CRLF2: variants seen among roughly 807,000 people sequenced by gnomAD.
CRLF2 encodes the protein cytokine receptor-like factor 2.
In CRLF2, 41 loss-of-function variants were observed where a neutral mutation model predicts 38.7. That is an observed-to-expected ratio of 1.06 (90% CI 0.83 to 1.37). The LOEUF (loss-of-function observed/expected upper bound fraction) is 1.37. Ranked by LOEUF, CRLF2 falls within the 40% of genes most tolerant of loss-of-function variation. The pLI is 0.00. For missense variants in CRLF2, 377 were observed against 322.2 expected (o/e 1.17, Z -1.30); for synonymous variants, 140 against 128.8 (o/e 1.09, Z -0.59).
intron 1 of CRLF2, among the ~76,000 whole-genome samples, chrX:1,210,126 GAA>G (rs1191614902): frequency 1.5e-5 from 1 of 67,894 alleles, no homozygotes; most frequent in Admixed American, 1.8e-4. Context: ...GAAAAGAAAA[GAA>G]AAGAAAAGAA....
At chrX:1,194,675 T>A (rs1359053666) in intron 6 of CRLF2, among the ~76,000 whole-genome samples, 16 of 151,688 alleles carry the variant, frequency 1.1e-4, no homozygotes, top group African/African-American at 3.9e-4. Context: ...TCTAAAAAGG[T>A]GATGATAGTA....
In CRLF2 at chrX:1,212,434, A is replaced by G. The variant is rs1363335343; in HGVS notation, c.79+122T>C. 341 of 625,268 alleles carry G rather than the reference A, an allele frequency of 5.5e-4. 1 individual carries two copies. Among genetic ancestry groups the G allele is most frequent in the African/African-American group, 3.4e-3 (179 of 52,214 alleles). 38.7% of individuals were successfully genotyped at this position (625,268 alleles called of 1,614,324 possible). A position where few individuals can be genotyped will look rare whatever the true frequency, so the allele number is the denominator to read the frequency against. ...TTGAACCCGGAAAAAAAAAAAAAAAAAAAAGAAAAGAAGAAAGAAACCTCC... is the reference window on the plus strand; with the variant it reads ...TTGAACCCGGAAAAAAAAAAAAAAAGAAAAGAAAAGAAGAAAGAAACCTCC... On this transcript the variant is annotated intron_variant, in intron 1 of 7. Coordinates refer to ENST00000400841, the MANE Select transcript of CRLF2 (RefSeq NM_022148.4).
At chrX:1,212,038 G>T (rs1181381013) in intron 1 of CRLF2, among the ~76,000 whole-genome samples, 1 of 151,184 alleles carries the variant, frequency 6.6e-6, no homozygotes, top group African/African-American at 2.4e-5. Context: ...GAAAGGTTGG[G>T]TGGACGGATG....
chrX:1,212,436 A>G, intron 1 of CRLF2, 120 bp downstream of exon 1: 5 of 575,176 alleles, frequency 8.7e-6, no homozygotes, highest in East Asian at 3.2e-5. Flanking sequence ...AAAAAAAAAA[A>G]AAGAAAAGAA....
intron 5 of CRLF2, among the ~76,000 whole-genome samples, chrX:1,197,155 C>A (rs1179256164): frequency 7.0e-6 from 1 of 143,390 alleles, no homozygotes; most frequent in East Asian, 2.1e-4. Flanking sequence ...TGCAGTGGCT[C>A]CATCTCAGCT....
At chrX:1,202,298 G>A (rs2086621380) in intron 4 of CRLF2, 104 bp downstream of exon 4, 1 of 1,344,148 alleles carries the variant, frequency 7.4e-7, no homozygotes, top group Non-Finnish European at 1.0e-6. Context: ...ATTCAGGAAG[G>A]TGTAGACAGA....
chrX:1,194,410 C>A (rs1230137286), intron 6 of CRLF2, among the ~76,000 whole-genome samples: 1 of 151,926 alleles, frequency 6.6e-6, no homozygotes, highest in Non-Finnish European at 1.5e-5. Flanking sequence ...TGCAGTGAGC[C>A]CAGATCACAC....
At chrX:1,207,920 C>T (rs2086721834) in intron 2 of CRLF2, among the ~76,000 whole-genome samples, 1 of 152,122 alleles carries the variant, frequency 6.6e-6, no homozygotes, top group African/African-American at 2.4e-5. Flanking sequence ...AACGGTGAGT[C>T]TTATTTTCCA....
intron 4 of CRLF2, among the ~76,000 whole-genome samples, chrX:1,202,053 G>C (rs1200381640): frequency 6.6e-6 from 1 of 152,032 alleles, no homozygotes; most frequent in Non-Finnish European, 1.5e-5. Context: ...GAATGAGATA[G>C]ATAGATGATA....
intron 4 of CRLF2, among the ~76,000 whole-genome samples, chrX:1,201,273 T>C (rs2086599523): frequency 6.9e-6 from 1 of 145,950 alleles, no homozygotes; most frequent in African/African-American, 2.7e-5. Flanking sequence ...ACTGTGTGTG[T>C]GTGCCTGTGT....
chrX:1,209,836 G>A (rs1424384381), intron 1 of CRLF2, among the ~76,000 whole-genome samples: 60 of 151,900 alleles, frequency 3.9e-4, no homozygotes, highest in Admixed American at 2.0e-3. Context: ...AGGTGCAGCG[G>A]CTCACGTCTG....
At chrX:1,191,316 T>TCTTTCTTTCTTTC (rs2086371755) in intron 7 of CRLF2, among the ~76,000 whole-genome samples, 156 bp from the exon 8 acceptor site, 2 of 113,610 alleles carry the variant, frequency 1.8e-5, no homozygotes, top group South Asian at 7.4e-4. Flanking sequence ...TTTCTTTCTT[T>TCTTTCTTTCTTTC]CTTTCTTTCT....
chrX:1,193,249 C>A lies in CRLF2; in HGVS notation c.821G>T (p.Gly274Val). The change falls in exon 7 of 8, where the codon GGG (glycine) becomes GTG (valine). Residue 274 changes from glycine to valine, a missense_variant. Gly to Val is a moderately radical substitution (Grantham distance 109). Transcript: ENST00000400841. ...GTTCCCTTGGTGTATCTCAAAGAGCCCGGGGAAGATGGATTTCGGGTCTGG... is the reference window on the plus strand; with the variant it reads ...GTTCCCTTGGTGTATCTCAAAGAGCACGGGGAAGATGGATTTCGGGTCTGG... Reference protein sequence around the residue: ...SVPDPKSIFPGLFEIHQGNFQ... With the variant: ...SVPDPKSIFPVLFEIHQGNFQ... 2.5e-6 allele frequency: 1 copy of A among 398,456 alleles called. No homozygotes were observed. Among genetic ancestry groups the A allele is most frequent in the Non-Finnish European group, 4.4e-6 (1 of 226,164 alleles). 24.7% of individuals were successfully genotyped at this position (398,456 alleles called of 1,614,324 possible). A position where few individuals can be genotyped will look rare whatever the true frequency, so the allele number is the denominator to read the frequency against.
chrX:1,199,430 G>A (rs1485906831), intron 4 of CRLF2, among the ~76,000 whole-genome samples: 3 of 151,858 alleles, frequency 2.0e-5, no homozygotes, highest in Admixed American at 6.6e-5. Flanking sequence ...TCAGCCTCCC[G>A]AGTAGCTCGG....
chrX:1,206,172 T>G (rs1298065982), intron 3 of CRLF2, among the ~76,000 whole-genome samples: 1 of 152,112 alleles, frequency 6.6e-6, no homozygotes, highest in African/African-American at 2.4e-5. Flanking sequence ...GGTAATAAGC[T>G]GAAGGAAGTA....
chrX:1,203,327 C>A (rs777429975), intron 3 of CRLF2, among the ~76,000 whole-genome samples: 9 of 150,572 alleles, frequency 6.0e-5, no homozygotes, highest in African/African-American at 1.7e-4. Flanking sequence ...ATGCCTGGAG[C>A]CCCCAGGAGC....
intron 1 of CRLF2, among the ~76,000 whole-genome samples, chrX:1,209,218 C>T (rs1275941281): frequency 3.3e-5 from 5 of 151,856 alleles, no homozygotes; most frequent in African/African-American, 7.3e-5. Flanking sequence ...CCACCCGCCT[C>T]GGCCTCCCAA....
At chrX:1,194,939 G>A (rs2086451561) in intron 6 of CRLF2, among the ~76,000 whole-genome samples, 1 of 152,120 alleles carries the variant, frequency 6.6e-6, no homozygotes, top group Admixed American at 6.6e-5. Context: ...GGCTGAGGCA[G>A]GAGAATTGCT....
intron 2 of CRLF2, among the ~76,000 whole-genome samples, chrX:1,208,350 G>A (rs1286766344): frequency 1.3e-5 from 2 of 152,152 alleles, no homozygotes; most frequent in Non-Finnish European, 2.9e-5. Flanking sequence ...CATGAGGTCA[G>A]GAGTTTGAAA....
Sources: gnomAD v4.1 joint callset for allele counts (sites outside exome capture counted in the v4.1 genomes callset) on GRCh38, gnomAD v4.1.1 for gene constraint, MANE v1.5 for transcripts, NCBI Gene and HGNC (gene_info 2026-07-23, HGNC 2026-07-21) for gene names.